ELL: variants seen among roughly 807,000 people sequenced by gnomAD.
ELL encodes the protein elongation factor for RNA polymerase II.
In ELL, 18 loss-of-function variants were observed where a neutral mutation model predicts 64.0. The ratio of observed to expected loss-of-function variants is 0.28; its 90% CI spans 0.19 to 0.42. The LOEUF (loss-of-function observed/expected upper bound fraction) is 0.42. Ranked by LOEUF, ELL falls within the 10% of genes least tolerant of loss-of-function variation. ELL has a pLI of 1.00. For synonymous variants in ELL, 399 were observed against 376.2 expected, an observed-to-expected ratio of 1.06 and a Z score of -0.70; for missense variants, 797 against 870.4, an observed-to-expected ratio of 0.92 and a Z score of 1.06.
At chr19:18,471,381 A>G (rs184707618) in intron 2 of ELL, 1 of 449,788 alleles carries the variant, frequency 2.2e-6, no homozygotes, top group Non-Finnish European at 4.5e-6. Flanking sequence ...CTTAAAAAAC[A>G]AAACAAGGCT....
rs750315111 is a variant in ELL, at chr19:18,446,318, C to T, written c.1695G>A (p.Glu565=). 6.9e-6 allele frequency: 11 copies of T among 1,585,342 alleles called. No homozygotes were observed. The highest frequency in any genetic ancestry group is 8.6e-6 in the Non-Finnish European group (10 of 1,169,032). Reference sequence around the variant, plus strand: ...AGCGGGGGGGCTCTACCTCATACTCCTCGGAGCCCTGGGAGAGCTGCCGGA... The same window carrying T: ...AGCGGGGGGGCTCTACCTCATACTCTTCGGAGCCCTGGGAGAGCTGCCGGA... ...AQLRQLSQGS[E]EYETTRGQIL... is the part of the protein sequence containing the mutation. The change falls in exon 10 of 12, where the codon GAG becomes GAA. Residue 565 remains glutamate (E), a synonymous_variant. Transcript: ENST00000262809.
In ELL at chr19:18,450,621, C is replaced by A; in HGVS notation, c.1321G>T (p.Gly441Cys). The change falls in exon 8 of 12, where the codon GGC becomes TGC. Residue 441 changes from glycine to cysteine, a missense_variant. By Grantham distance (159) the Gly-to-Cys change is radical (BLOSUM62 -3). Coordinates refer to ENST00000262809, the MANE Select transcript of ELL (RefSeq NM_006532.4). ...TTGGGCTTGCTGCGCGAGGGGCTGC[C>A]GTGTGGCCTGCTGGGCTGGGCACAG... ...TDCAQPSRPH[G>C]SPSRSKPKKK... 6.2e-7 allele frequency: 1 copy of A among 1,609,820 alleles called. No homozygotes were observed.
At chr19:18,485,080 C>T (rs958068130) in intron 1 of ELL, among the ~76,000 whole-genome samples, 1 of 152,230 alleles carries the variant, frequency 6.6e-6, no homozygotes, top group African/African-American at 2.4e-5. Context: ...ATCCCCTCAT[C>T]AGAGCCCAGG....
intron 5 of ELL, among the ~76,000 whole-genome samples, chr19:18,460,527 TG>T (rs1220137384): frequency 3.3e-5 from 5 of 152,170 alleles, no homozygotes; most frequent in Non-Finnish European, 7.3e-5. Flanking sequence ...CAACTCCTGC[TG>T]GCACCATGCC....
chr19:18,501,866 G>A lies in ELL; in HGVS notation c.135+20055C>T, dbSNP rs775617134. 2.6e-5 allele frequency among the ~76,000 whole-genome samples: 4 copies of A among 151,978 alleles called. No individual in the cohort carries two copies. The highest frequency in any genetic ancestry group is 2.9e-5 in the Non-Finnish European group (2 of 67,978). On this transcript the variant is annotated intron_variant, in intron 1 of 11. Transcript: ENST00000262809. The surrounding 1 kb of genome is among the most constrained non-coding windows in gnomAD (Gnocchi z 4.5). ...GCAGGAAGGAGGGGAGGCAGCATGG[G>A]CACCAGTGACCAGGACAGCCCTTTC... is the stretch of plus-strand genomic sequence containing the variant.
In ELL at chr19:18,450,818, G is replaced by T; in HGVS notation, c.1124C>A (p.Thr375Lys). 1 of 1,586,134 alleles carries T rather than the reference G, an allele frequency of 6.3e-7. No homozygotes were observed. The highest frequency in any genetic ancestry group is 1.7e-4 in the Middle Eastern group (1 of 5,944). The change falls in exon 8 of 12, where the codon ACG becomes AAG. Residue 375 changes from threonine (T) to lysine (K), a missense_variant. Coordinates refer to ENST00000262809, the MANE Select transcript of ELL (RefSeq NM_006532.4). ...GTGAGTGCTGGAGCTGAGGGTGTCC[G>T]TGCTGGCTGGTGGGCCCGGGGTGGG... ...LLPTPGPPASTDTLSSSTHLP... is the reference protein window; with the variant it reads ...LLPTPGPPASKDTLSSSTHLP...
At chr19:18,477,640 C>T (rs569611607) in intron 1 of ELL, among the ~76,000 whole-genome samples, 2 of 152,198 alleles carry the variant, frequency 1.3e-5, no homozygotes, top group East Asian at 1.9e-4. Context: ...GGAGAAACAC[C>T]GCCAGACCAC....
chr19:18,476,683 G>A (rs572375204), intron 1 of ELL, among the ~76,000 whole-genome samples: 50 of 152,318 alleles, frequency 3.3e-4, no homozygotes, highest in African/African-American at 1.2e-3. Context: ...ATGATGCCAG[G>A]AGGGCTAACC....
intron 1 of ELL, among the ~76,000 whole-genome samples, chr19:18,504,444 A>C (rs1975842716): frequency 6.6e-6 from 1 of 151,806 alleles, no homozygotes; most frequent in Admixed American, 6.6e-5. Context: ...CCCATCTGAA[A>C]TTGCCATGTA....
At chr19:18,461,001 G>A (rs1331840304) in intron 5 of ELL, among the ~76,000 whole-genome samples, 1 of 152,126 alleles carries the variant, frequency 6.6e-6, no homozygotes, top group African/African-American at 2.4e-5. Flanking sequence ...CAGGGCCATC[G>A]CACCTGCTCC....
Position 18,459,692 on chromosome 19 carries a change from T to G in ELL, c.745-1363A>C, listed in dbSNP as rs140998746. On this transcript the variant is annotated intron_variant, in intron 5 of 11. Coordinates refer to ENST00000262809, the MANE Select transcript of ELL (RefSeq NM_006532.4). ...CCGCCACCACGCCCGGCTAATTTTT[T>G]TGTGTGTGTATTTTTAGTAGAGATG... is the stretch of plus-strand genomic sequence containing the variant. Among the ~76,000 whole-genome samples the G allele has an allele frequency of 8.6e-4, 127 of 148,074 alleles. 1 individual carries two copies. The highest frequency in any genetic ancestry group is 2.8e-3 in the African/African-American group (109 of 38,594).
At chr19:18,485,944 C>T (rs1305456733) in intron 1 of ELL, among the ~76,000 whole-genome samples, 2 of 151,730 alleles carry the variant, frequency 1.3e-5, no homozygotes, top group Non-Finnish European at 2.9e-5. Context: ...CAAGATCACA[C>T]CACTGCACTC....
At position 18,458,402 on chromosome 19, in the gene ELL, T is replaced by C. The variant is rs145933398; in HGVS notation, c.745-73A>G. ...GGGGGACTAGAGAAAAAAGATCTGA[T>C]AGTGGGTTTGGGAGGGTGTGCAGAG... On this transcript the variant is annotated intron_variant, in intron 5 of 11. Transcript: ENST00000262809. 7.3e-3 allele frequency: 11,485 copies of C among 1,564,312 alleles called. 52 individuals carry two copies. Among genetic ancestry groups the C allele is most frequent in the African/African-American group, 0.019 (1,401 of 74,206 alleles).
intron 1 of ELL, among the ~76,000 whole-genome samples, chr19:18,479,111 T>C (rs937779453): frequency 6.6e-6 from 1 of 152,190 alleles, no homozygotes; most frequent in Non-Finnish European, 1.5e-5. Context: ...GGAAGTGTGG[T>C]GGGTGAATCT....
At chr19:18,463,470 G>A (rs1308036028) in intron 4 of ELL, among the ~76,000 whole-genome samples, 1 of 151,728 alleles carries the variant, frequency 6.6e-6, no homozygotes, top group East Asian at 2.0e-4. Flanking sequence ...GAGTAGCTGG[G>A]ACTCCAGGCG....
chr19:18,461,656 C>T lies in ELL; in HGVS notation c.666G>A (p.Lys222=). ...TCTGCAGTCGCAGCAGCAGCTCAGC[C>T]TTGCGGTAGGGCCGTAGTGCCAGGA... ...LHLLALRPYR[K]AELLLRLQKD... is the part of the protein sequence containing the mutation. Residue 222 remains lysine (K), a synonymous_variant, in exon 5 of 12, where the codon AAG becomes AAA. Coordinates refer to ENST00000262809, the MANE Select transcript of ELL (RefSeq NM_006532.4). The T allele has an allele frequency of 6.2e-7, 1 of 1,612,886 alleles. No individual in the cohort carries two copies. Among genetic ancestry groups the T allele is most frequent in the Non-Finnish European group, 8.5e-7 (1 of 1,179,996 alleles).
intron 1 of ELL, among the ~76,000 whole-genome samples, chr19:18,515,154 A>T (rs1257223518): frequency 6.6e-6 from 1 of 152,246 alleles, no homozygotes; most frequent in Non-Finnish European, 1.5e-5. Context: ...TGCCGAGTGC[A>T]GAGCTCAGTC....
chr19:18,521,539 G>A (rs562867710), intron 1 of ELL, among the ~76,000 whole-genome samples: 1 of 152,156 alleles, frequency 6.6e-6, no homozygotes, highest in Non-Finnish European at 1.5e-5. Flanking sequence ...CCCCTATCAC[G>A]GTGCCGGGAC....
intron 1 of ELL, among the ~76,000 whole-genome samples, chr19:18,492,436 A>G (rs1975552450): frequency 6.6e-6 from 1 of 152,216 alleles, no homozygotes. Flanking sequence ...AACATAAGCA[A>G]TAAGCTACAG....
Sources: allele counts gnomAD v4.1 joint callset (sites outside exome capture counted in the v4.1 genomes callset), GRCh38; gene constraint gnomAD v4.1.1; non-coding constraint Gnocchi (gnomAD v3.1); transcripts MANE v1.5; gene names NCBI Gene and HGNC (gene_info 2026-07-23, HGNC 2026-07-21).